Variants in LMBR1 observed in about 807,000 individuals in gnomAD.
LMBR1 encodes limb region 1 protein homolog.
LMBR1 carries 52 observed loss-of-function variants against 73.9 expected under a neutral mutation model. The observed-to-expected ratio is 0.70, with a 90% CI of 0.56 to 0.89. The LOEUF (loss-of-function observed/expected upper bound fraction) is 0.89. LMBR1 is among the 40% of genes least tolerant of loss of function. The pLI, the probability that LMBR1 is intolerant of heterozygous loss-of-function variation, is 0.00. For missense variants in LMBR1, 539 were observed against 579.8 expected, an observed-to-expected ratio of 0.93 and a Z score of 0.72; for synonymous variants, 215 against 209.4, an observed-to-expected ratio of 1.03 and a Z score of -0.23.
chr7:156,870,343 G>A (rs1209446094), intron 1 of LMBR1, among the ~76,000 whole-genome samples: 1 of 152,138 alleles, frequency 6.6e-6, no homozygotes, highest in African/African-American at 2.4e-5. Context: ...ATTTAAGAAG[G>A]CTGAAATCAT....
intron 15 of LMBR1, among the ~76,000 whole-genome samples, chr7:156,688,929 G>A (rs1401410837): frequency 6.6e-6 from 1 of 152,062 alleles, no homozygotes; most frequent in Non-Finnish European, 1.5e-5. Flanking sequence ...AATAAATAAG[G>A]TAATTTCCTT....
intron 1 of LMBR1, among the ~76,000 whole-genome samples, chr7:156,892,181 G>T (rs140294138): frequency 4.5e-4 from 68 of 152,348 alleles, no homozygotes; most frequent in Non-Finnish European, 8.2e-4. Context: ...GCTTCCCTAA[G>T]AAGTTGCTTC....
At chr7:156,806,921 T>G (rs907571893) in intron 4 of LMBR1, among the ~76,000 whole-genome samples, 2 of 152,162 alleles carry the variant, frequency 1.3e-5, no homozygotes, top group Admixed American at 1.3e-4. Flanking sequence ...CTGATGCATT[T>G]TATTAGGATG....
At chr7:156,691,046 G>T (rs1348300892) in intron 15 of LMBR1, among the ~76,000 whole-genome samples, 1 of 152,064 alleles carries the variant, frequency 6.6e-6, no homozygotes, top group Non-Finnish European at 1.5e-5. Context: ...CTCTATTTCC[G>T]TAAAAAGGTA....
At chr7:156,786,064 T>C (rs915242649) in intron 5 of LMBR1, among the ~76,000 whole-genome samples, 6 of 150,640 alleles carry the variant, frequency 4.0e-5, no homozygotes, top group South Asian at 2.1e-4. Flanking sequence ...ATCAAATCTA[T>C]GGGAAAATGT....
At chr7:156,881,496 A>T (rs757800463) in intron 1 of LMBR1, among the ~76,000 whole-genome samples, 1 of 152,260 alleles carries the variant, frequency 6.6e-6, no homozygotes, top group Non-Finnish European at 1.5e-5. Flanking sequence ...GGGAATACAT[A>T]AAACTAAAAA....
chr7:156,775,132 C>G (rs1452256504), intron 5 of LMBR1, among the ~76,000 whole-genome samples: 1 of 152,134 alleles, frequency 6.6e-6, no homozygotes, highest in Admixed American at 6.5e-5. Flanking sequence ...CTCTGGGAAG[C>G]CCGGGTGGGC....
chr7:156,774,431 C>T (rs969986098), intron 5 of LMBR1, among the ~76,000 whole-genome samples: 7 of 152,240 alleles, frequency 4.6e-5, no homozygotes, highest in Non-Finnish European at 1.0e-4. Context: ...CACTGCAGCA[C>T]TATTCACAAT....
At chr7:156,817,129 A>G (rs1834035498) in intron 4 of LMBR1, among the ~76,000 whole-genome samples, 1 of 152,194 alleles carries the variant, frequency 6.6e-6, no homozygotes, top group Admixed American at 6.5e-5. Context: ...CTGAATTTCC[A>G]GATCACCATA....
intron 1 of LMBR1, among the ~76,000 whole-genome samples, chr7:156,889,363 TTATA>T (rs60881914): frequency 2.6e-5 from 4 of 151,884 alleles, no homozygotes; most frequent in African/African-American, 9.7e-5. Flanking sequence ...AAATTGCATG[TTATA>T]TATATATATC....
chr7:156,757,494 C>T (rs1822123149), intron 8 of LMBR1, among the ~76,000 whole-genome samples: 1 of 152,172 alleles, frequency 6.6e-6, no homozygotes, highest in African/African-American at 2.4e-5. Flanking sequence ...ATATTGTCTG[C>T]ACTGTTAAAA....
intron 5 of LMBR1, among the ~76,000 whole-genome samples, chr7:156,795,869 T>A (rs1270806458): frequency 6.6e-6 from 1 of 152,170 alleles, no homozygotes; most frequent in Non-Finnish European, 1.5e-5. Context: ...AAATTTTAAT[T>A]GCCTGTCTTA....
At chr7:156,849,805 G>A (rs539330456) in intron 1 of LMBR1, among the ~76,000 whole-genome samples, 1 of 152,232 alleles carries the variant, frequency 6.6e-6, no homozygotes, top group South Asian at 2.1e-4. Context: ...TACACCACCA[G>A]AGTGAACACT....
At chr7:156,719,924 C>T (rs1814154524) in intron 15 of LMBR1, among the ~76,000 whole-genome samples, 1 of 151,142 alleles carries the variant, frequency 6.6e-6, no homozygotes, top group Admixed American at 6.6e-5. Context: ...GAAACTGGAT[C>T]CCTTCCTTAC....
intron 1 of LMBR1, among the ~76,000 whole-genome samples, chr7:156,870,487 C>T (rs1799108226): frequency 6.6e-6 from 1 of 152,162 alleles, no homozygotes; most frequent in South Asian, 2.1e-4. Context: ...CTCAAGATGC[C>T]GGGCGCAGTG....
At chr7:156,704,429 T>C (rs1018263666) in intron 15 of LMBR1, among the ~76,000 whole-genome samples, 1 of 152,014 alleles carries the variant, frequency 6.6e-6, no homozygotes, top group African/African-American at 2.4e-5. Flanking sequence ...CACATCATGG[T>C]CACATAGTCA....
intron 5 of LMBR1, chr7:156,779,702 A>C: frequency 7.8e-7 from 1 of 1,285,922 alleles, no homozygotes; most frequent in South Asian, 1.2e-5. Flanking sequence ...ATGAACATTT[A>C]AACAAGGTTT....
At chr7:156,691,537 A>G (rs1363198476) in intron 15 of LMBR1, among the ~76,000 whole-genome samples, 2 of 152,216 alleles carry the variant, frequency 1.3e-5, no homozygotes, top group Non-Finnish European at 2.9e-5. Flanking sequence ...CCACCTGAGT[A>G]AACTTCTACT....
chr7:156,798,225 C>T (rs918414113), intron 4 of LMBR1, among the ~76,000 whole-genome samples: 1 of 152,130 alleles, frequency 6.6e-6, no homozygotes, highest in Non-Finnish European at 1.5e-5. Flanking sequence ...AAATAATGCA[C>T]GTACAACAAC....
Sources: allele counts gnomAD v4.1 joint callset (sites outside exome capture counted in the v4.1 genomes callset), GRCh38; gene constraint gnomAD v4.1.1; transcripts MANE v1.5; gene names NCBI Gene and HGNC (gene_info 2026-07-23, HGNC 2026-07-21).